RPH3A: variants seen among roughly 807,000 people sequenced by gnomAD.
The protein encoded by RPH3A is rabphilin 3A, also known as rabphilin-3A.
In RPH3A, 48 loss-of-function variants were observed where a neutral mutation model predicts 102.2. The observed-to-expected ratio is 0.47, with a 90% CI of 0.37 to 0.60. The LOEUF is 0.60. Ranked by LOEUF, RPH3A falls within the 20% of genes least tolerant of loss-of-function variation. The pLI is 0.00. For synonymous variants in RPH3A, 310 were observed against 324.3 expected (o/e 0.96, Z 0.47); for missense variants, 781 against 910.1 (o/e 0.86, Z 1.83).
intron 1 of RPH3A, among the ~76,000 whole-genome samples, chr12:112,673,557 G>T (rs2040150786): frequency 6.6e-6 from 1 of 151,848 alleles, no homozygotes; most frequent in Admixed American, 6.6e-5. Context: ...AAAATCCGTG[G>T]GTACATAGTA....
intron 1 of RPH3A, among the ~76,000 whole-genome samples, chr12:112,755,301 AC>A (rs1311426001): frequency 3.5e-4 from 6 of 17,222 alleles, no homozygotes; most frequent in African/African-American, 3.2e-3. Context: ...ATGTATATAC[AC>A]ACACACACAC....
intron 1 of RPH3A, among the ~76,000 whole-genome samples, chr12:112,627,458 A>G (rs949852222): frequency 1.3e-5 from 2 of 150,530 alleles, no homozygotes; most frequent in African/African-American, 2.4e-5. Flanking sequence ...TACATATCAT[A>G]TAATATGTAG....
chr12:112,888,516 G>C (rs1236996595), intron 17 of RPH3A, among the ~76,000 whole-genome samples: 1 of 152,194 alleles, frequency 6.6e-6, no homozygotes. Context: ...ACTCTCGGGT[G>C]TGAATCCTGG....
At chr12:112,592,323 T>C (rs1250432409) in intron 1 of RPH3A, among the ~76,000 whole-genome samples, 1 of 152,108 alleles carries the variant, frequency 6.6e-6, no homozygotes, top group Non-Finnish European at 1.5e-5. Flanking sequence ...AAAATAGTTA[T>C]TATTATTATT....
chr12:112,868,896 A>C, intron 8 of RPH3A: 1 of 265,280 alleles, frequency 3.8e-6, no homozygotes, highest in Non-Finnish European at 7.0e-6. Flanking sequence ...GACTTTCACC[A>C]CCAAGATCAC....
intron 1 of RPH3A, among the ~76,000 whole-genome samples, chr12:112,730,288 C>A (rs2136048308): frequency 6.6e-6 from 1 of 152,340 alleles, no homozygotes; most frequent in East Asian, 1.9e-4. Context: ...TTGAGGTCAA[C>A]ACGGAGATGC....
intron 1 of RPH3A, among the ~76,000 whole-genome samples, chr12:112,782,643 C>G (rs1351717044): frequency 6.6e-6 from 1 of 152,218 alleles, no homozygotes; most frequent in African/African-American, 2.4e-5. Context: ...CAGTATTTCT[C>G]TCTTCCCAGG....
chr12:112,806,099 T>C (rs1305718102), intron 2 of RPH3A, among the ~76,000 whole-genome samples: 3 of 152,196 alleles, frequency 2.0e-5, no homozygotes, highest in Non-Finnish European at 4.4e-5. Context: ...TCAGCACCCA[T>C]ACATATTGAG....
intron 1 of RPH3A, among the ~76,000 whole-genome samples, chr12:112,746,192 C>T (rs770395818): frequency 2.1e-4 from 32 of 152,132 alleles, no homozygotes; most frequent in Non-Finnish European, 3.2e-4. Flanking sequence ...TCTTGAACAC[C>T]TACTATGCGT....
chr12:112,712,655 TTG>T (rs544401987), intron 1 of RPH3A, among the ~76,000 whole-genome samples: 16 of 150,212 alleles, frequency 1.1e-4, no homozygotes, highest in South Asian at 2.1e-4. Context: ...TGTCCCCTAC[TTG>T]TGTGTGTGTG....
intron 1 of RPH3A, among the ~76,000 whole-genome samples, chr12:112,781,900 T>C (rs1307230891): frequency 6.6e-6 from 1 of 152,246 alleles, no homozygotes; most frequent in African/African-American, 2.4e-5. Context: ...TGGAGTTTCT[T>C]GCAGAATCCC....
At chr12:112,704,113 G>T (rs1194469690) in intron 1 of RPH3A, among the ~76,000 whole-genome samples, 3 of 147,884 alleles carry the variant, frequency 2.0e-5, no homozygotes, top group African/African-American at 7.5e-5. Context: ...TTTTGAGACC[G>T]AGTTTCACTC....
intron 5 of RPH3A, among the ~76,000 whole-genome samples, chr12:112,861,025 A>G (rs2042503010): frequency 6.6e-6 from 1 of 152,220 alleles, no homozygotes; most frequent in African/African-American, 2.4e-5. Context: ...AACTTTCCAA[A>G]GGAAATCTAA....
At chr12:112,820,796 G>T (rs1407878293) in intron 2 of RPH3A, among the ~76,000 whole-genome samples, 1 of 152,194 alleles carries the variant, frequency 6.6e-6, no homozygotes, top group Non-Finnish European at 1.5e-5. Context: ...GTCCTGTGGG[G>T]TTATTTAGAG....
intron 1 of RPH3A, among the ~76,000 whole-genome samples, chr12:112,724,052 ATT>A (rs146271090): frequency 5.6e-4 from 66 of 117,288 alleles, no homozygotes; most frequent in East Asian, 9.6e-4. Context: ...AATTTTTTTG[ATT>A]TTTTTTTTTT....
At chr12:112,872,668 T>A (rs2042727486) in intron 10 of RPH3A, among the ~76,000 whole-genome samples, 1 of 152,092 alleles carries the variant, frequency 6.6e-6, no homozygotes. Context: ...CTTCTAAGAG[T>A]TTTATAGTTT....
chr12:112,845,144 G>A (rs562293750), intron 4 of RPH3A, among the ~76,000 whole-genome samples: 1 of 152,256 alleles, frequency 6.6e-6, no homozygotes, highest in East Asian at 1.9e-4. Context: ...AGTATGGGAG[G>A]GGACTACACA....
chr12:112,815,519 G>A (rs914295787), intron 2 of RPH3A, among the ~76,000 whole-genome samples: 1 of 152,112 alleles, frequency 6.6e-6, no homozygotes, highest in Admixed American at 6.5e-5. Context: ...GTGAGGACCA[G>A]GACTGCTGCC....
intron 10 of RPH3A, chr12:112,874,158 G>C (rs1275547098): frequency 6.6e-6 from 1 of 152,190 alleles, no homozygotes; most frequent in African/African-American, 2.4e-5. Flanking sequence ...AGCCCAGTGA[G>C]GTAAGAAAAA....
Sources: gnomAD v4.1 joint callset for allele counts (sites outside exome capture counted in the v4.1 genomes callset) on GRCh38, gnomAD v4.1.1 for gene constraint, MANE v1.5 for transcripts, NCBI Gene and HGNC (gene_info 2026-07-23, HGNC 2026-07-21) for gene names.